The following VPS50 variants were observed in gnomAD, a reference collection of about 807,000 sequenced individuals.
VPS50 encodes syndetin.
VPS50 carries 70 observed loss-of-function variants against 139.7 expected under a neutral mutation model. The observed-to-expected ratio is 0.50, with a 90% CI of 0.41 to 0.61. VPS50 has a LOEUF of 0.61. VPS50 is among the 20% of genes least tolerant of loss of function. The probability of loss-of-function intolerance (pLI) is 0.00; values close to 1 mark genes in which losing one functional copy is unlikely to be tolerated. For synonymous variants in VPS50, 365 were observed against 376.7 expected (o/e 0.97, Z 0.36); for missense variants, 921 against 1,133.7 (o/e 0.81, Z 2.69).
At chr7:93,337,914 A>G (rs1173690170) in intron 22 of VPS50, among the ~76,000 whole-genome samples, 1 of 152,120 alleles carries the variant, frequency 6.6e-6, no homozygotes, top group Non-Finnish European at 1.5e-5. Flanking sequence ...GTGCTTTGTT[A>G]TGATGTAACC....
intron 22 of VPS50, among the ~76,000 whole-genome samples, chr7:93,336,819 C>T (rs1306916095): frequency 2.1e-5 from 3 of 141,432 alleles, no homozygotes; most frequent in Non-Finnish European, 3.0e-5. Flanking sequence ...GGCCTTTAGC[C>T]AACTTTAAAT....
chr7:93,339,385 T>C (rs1798152484), intron 22 of VPS50, among the ~76,000 whole-genome samples: 1 of 152,110 alleles, frequency 6.6e-6, no homozygotes, highest in Admixed American at 6.5e-5. Flanking sequence ...TTGAAAAGTT[T>C]TATAATTTTT....
Position 93,353,718 on chromosome 7 carries a change from T to G in VPS50, c.2542T>G (p.Trp848Gly). Residue 848 changes from tryptophan (W) to glycine (G), a missense_variant, in exon 26 of 28, where the codon TGG becomes GGG. Physicochemically the swap from Trp to Gly is radical, Grantham distance 184 (BLOSUM62 -2). Coordinates refer to ENST00000305866, the MANE Select transcript of VPS50 (RefSeq NM_017667.4). ...ACCCTTGCCTGTGTCTAATATACTT[T>G]GGGAACATTGTATACGATTGGCTAA... ...RIPLPVSNIL[W>G]EHCIRLANRT... The G allele has an allele frequency of 6.2e-7, 1 of 1,612,418 alleles. No homozygotes were observed. The highest frequency in any genetic ancestry group is 8.5e-7 in the Non-Finnish European group (1 of 1,178,790).
chr7:93,248,522 A>G (rs1297624721), intron 2 of VPS50, among the ~76,000 whole-genome samples: 1 of 152,132 alleles, frequency 6.6e-6, no homozygotes, highest in African/African-American at 2.4e-5. Flanking sequence ...CTCTAATTAA[A>G]AGAAAGAAAT....
chr7:93,320,321 T>C (rs1797568148), intron 20 of VPS50: 1 of 150,114 alleles, frequency 6.7e-6, no homozygotes, highest in Admixed American at 6.6e-5. Context: ...TTGCCCCCCG[T>C]CTTTTTTTTT....
At chr7:93,276,428 A>T (rs1796156833) in intron 12 of VPS50, 123 bp downstream of exon 12, 10 of 1,325,268 alleles carry the variant, frequency 7.5e-6, no homozygotes, top group East Asian at 5.3e-5. Flanking sequence ...TTTGCCAAAA[A>T]TTTTTTTTCT....
chr7:93,354,719 T>C (rs918917573), intron 26 of VPS50, among the ~76,000 whole-genome samples: 14 of 152,174 alleles, frequency 9.2e-5, no homozygotes, highest in African/African-American at 3.4e-4. Context: ...GATCTATTAA[T>C]AGTAATTTTC....
At chr7:93,301,582 A>G (rs1004202180) in intron 16 of VPS50, among the ~76,000 whole-genome samples, 1 of 152,130 alleles carries the variant, frequency 6.6e-6, no homozygotes, top group Non-Finnish European at 1.5e-5. Context: ...AAATACCACA[A>G]ACCTGTCTGG....
chr7:93,332,948 G>T (rs1562891791), intron 21 of VPS50, among the ~76,000 whole-genome samples: 1 of 152,090 alleles, frequency 6.6e-6, no homozygotes, highest in Non-Finnish European at 1.5e-5. Context: ...GCAGGTCAGG[G>T]GTTAAGGGTG....
intron 9 of VPS50, among the ~76,000 whole-genome samples, chr7:93,269,542 T>C (rs959772626): frequency 6.6e-6 from 1 of 152,124 alleles, no homozygotes; most frequent in Non-Finnish European, 1.5e-5. Flanking sequence ...TGTTTGGACA[T>C]TTATCATTGA....
At chr7:93,340,361 ACT>A (rs1317075414) in intron 22 of VPS50, among the ~76,000 whole-genome samples, 4 of 152,108 alleles carry the variant, frequency 2.6e-5, no homozygotes, top group African/African-American at 9.7e-5. Context: ...GTCTTCTGGT[ACT>A]CTGTCAGCTA....
At position 93,329,377 on chromosome 7, in the gene VPS50, TTAAAGA is replaced by T. The variant is rs1203739509; in HGVS notation, c.1978-4735_1978-4730del. Among the ~76,000 whole-genome samples, 16 of 151,842 alleles carry T rather than the reference TTAAAGA, an allele frequency of 1.1e-4. No individual in the cohort carries two copies. In the East Asian group the frequency reaches 1.3e-3, roughly 13 times the overall value. Reference sequence around the variant, plus strand: ...ATGACAGAAGAAAGAATATGTGAACTTAAAGATAAATCAAAGTTATACAAAGTGAAG... The same window carrying T: ...ATGACAGAAGAAAGAATATGTGAACTTAAATCAAAGTTATACAAAGTGAAG... On this transcript the variant is annotated intron_variant, in intron 21 of 27. Coordinates refer to ENST00000305866, the MANE Select transcript of VPS50 (RefSeq NM_017667.4).
intron 23 of VPS50, among the ~76,000 whole-genome samples, chr7:93,342,420 C>T (rs1798245466): frequency 6.6e-6 from 1 of 152,200 alleles, no homozygotes; most frequent in Non-Finnish European, 1.5e-5. Flanking sequence ...CGCCATTGCC[C>T]AGGCTTGCTT....
chr7:93,252,715 T>C lies in VPS50; in HGVS notation c.165T>C (p.Asn55=), dbSNP rs757021672. The C allele has an allele frequency of 1.3e-6, 2 of 1,588,882 alleles. No homozygotes were observed. Among genetic ancestry groups the C allele is most frequent in the South Asian group, 1.1e-5 (1 of 89,662 alleles). Residue 55 remains asparagine, a synonymous_variant, in exon 3 of 28, where the codon AAT becomes AAC. Transcript: ENST00000305866. Reference sequence around the variant, plus strand: ...CTCAAGCTGAACAAGAGCTTATTAATAGTATTGAACAAGTATATTTTTCTG... The same window carrying C: ...CTCAAGCTGAACAAGAGCTTATTAACAGTATTGAACAAGTATATTTTTCTG... ...SDPQAEQELI[N]SIEQVYFSVD...
intron 12 of VPS50, among the ~76,000 whole-genome samples, chr7:93,284,857 A>G (rs1796437245): frequency 6.6e-6 from 1 of 152,224 alleles, no homozygotes; most frequent in Non-Finnish European, 1.5e-5. Context: ...TCCACTATGC[A>G]GTACTACCTC....
rs781484514 is a variant in VPS50, at chr7:93,258,204, C to G, written c.468C>G (p.Gly156=). ...AAGGTTTTACTCAAGCTAGTTTAGG[C>G]CTTCTTGCAAATCAAAGGAAACGTC... ...AKEGFTQASL[G]LLANQRKRQL... is the part of the protein sequence containing the mutation. Residue 156 remains glycine (G), a synonymous_variant, in exon 7 of 28, where the codon GGC becomes GGG. Transcript: ENST00000305866. 4.4e-6 allele frequency: 7 copies of G among 1,596,666 alleles called. No homozygotes were observed. The East Asian group carries it at 1.3e-4, about 31-fold the overall frequency.
intron 21 of VPS50, among the ~76,000 whole-genome samples, chr7:93,331,139 C>T (rs979322982): frequency 1.3e-5 from 2 of 150,992 alleles, no homozygotes; most frequent in African/African-American, 4.9e-5. Context: ...TGAGATACAC[C>T]ATGTGCATAT....
chr7:93,297,360 T>C (rs1048253092), intron 16 of VPS50, 117 bp downstream of exon 16: 20 of 1,131,576 alleles, frequency 1.8e-5, no homozygotes, highest in Middle Eastern at 6.4e-4. Flanking sequence ...TTTGAATGTG[T>C]TGTAGCTTTT....
chr7:93,234,086 C>A (rs1421634799), intron 1 of VPS50, among the ~76,000 whole-genome samples: 2 of 152,214 alleles, frequency 1.3e-5, no homozygotes, highest in African/African-American at 4.8e-5. Flanking sequence ...TACTTTATAT[C>A]ACTAATACCT....
Sources: allele counts gnomAD v4.1 joint callset (sites outside exome capture counted in the v4.1 genomes callset), GRCh38; gene constraint gnomAD v4.1.1; transcripts MANE v1.5; gene names NCBI Gene and HGNC (gene_info 2026-07-23, HGNC 2026-07-21).